Variants in DNAH3 observed in about 807,000 individuals in gnomAD.
DNAH3 encodes the protein axonemal beta dynein heavy chain 3.
Under a neutral mutation model 432.5 loss-of-function variants are expected in DNAH3, and 332 were observed. The ratio of observed to expected loss-of-function variants is 0.77; its 90% CI spans 0.70 to 0.84. The LOEUF (loss-of-function observed/expected upper bound fraction) is 0.84. DNAH3 is among the 40% of genes least tolerant of loss of function. The pLI is 0.00. For synonymous variants in DNAH3, 1,956 were observed against 1,900.2 expected (o/e 1.03, Z -0.76); for missense variants, 4,861 against 5,114.0 (o/e 0.95, Z 1.51).
chr16:20,987,802 G>A, exon 46 of DNAH3: 3 of 1,614,120 alleles, frequency 1.9e-6, no homozygotes, highest in East Asian at 4.5e-5. Flanking sequence ...GTTCTCCACT[G>A]CATCTCTATA....
intron 49 of DNAH3, among the ~76,000 whole-genome samples, chr16:20,980,025 C>T (rs2085783973): frequency 6.6e-6 from 1 of 151,488 alleles, no homozygotes; most frequent in Non-Finnish European, 1.5e-5. Context: ...GCTGGGATTA[C>T]AGGCATGAGC....
intron 5 of DNAH3, among the ~76,000 whole-genome samples, chr16:21,139,005 A>C (rs1480038646): frequency 6.6e-6 from 1 of 152,160 alleles, no homozygotes; most frequent in African/African-American, 2.4e-5. Context: ...TTAGCAGGGA[A>C]TTTTGCCAAC....
At chr16:21,117,800 G>C (rs2092241730) in intron 11 of DNAH3, among the ~76,000 whole-genome samples, 1 of 152,128 alleles carries the variant, frequency 6.6e-6, no homozygotes, top group Admixed American at 6.5e-5. Context: ...CCTAGCAAAA[G>C]CTTGGCACTT....
intron 44 of DNAH3, among the ~76,000 whole-genome samples, chr16:20,993,209 C>A (rs530617563): frequency 3.9e-5 from 6 of 152,160 alleles, no homozygotes; most frequent in Admixed American, 2.0e-4. Context: ...TTTTCCACCC[C>A]AAGACTCTTG....
At position 20,990,394 on chromosome 16, in the gene DNAH3, CAAT is replaced by C. The variant is rs968209769; in HGVS notation, c.6602-2332_6602-2330del. ...ATATATACCAGCTTTATTGATATCC[CAAT>C]AATAACTCACATATTGTACCATTCA... is the stretch of plus-strand genomic sequence containing the variant. On this transcript the variant is annotated intron_variant, in intron 44 of 61. Coordinates refer to ENST00000261383, the Ensembl canonical transcript of DNAH3. Among the ~76,000 whole-genome samples, 25 of 152,134 alleles carry C rather than the reference CAAT, an allele frequency of 1.6e-4. 1 individual carries two copies. Among genetic ancestry groups the C allele is most frequent in the African/African-American group, 2.9e-4 (12 of 41,510 alleles).
rs775289315 is a variant in DNAH3 at position 21,140,565 on chromosome 16, C to CT, written c.666dup (p.Glu223ArgfsTer6). On this transcript the variant is annotated frameshift_variant, in exon 5 of 62. Transcript: ENST00000261383. LOFTEE classifies it high-confidence loss of function. Reference sequence around the variant, plus strand: ...AGGTCCGATTCAGATGGCTTCTTTTCTTTACTTTCCATTTCCATCTCCTGC... The same window carrying CT: ...AGGTCCGATTCAGATGGCTTCTTTTCTTTTACTTTCCATTTCCATCTCCTGC... 3 of 1,614,036 alleles carry CT rather than the reference C, an allele frequency of 1.9e-6. No homozygotes were observed. The South Asian group carries it at 3.3e-5, about 18-fold the overall frequency.
At chr16:21,111,010 T>C (rs143642452) in intron 14 of DNAH3, among the ~76,000 whole-genome samples, 50 of 152,228 alleles carry the variant, frequency 3.3e-4, no homozygotes, top group African/African-American at 1.1e-3. Context: ...AGCAAGACCC[T>C]GTCTCTGAAA....
rs1026714499 is a variant in DNAH3 at position 21,148,423 on chromosome 16, A to T, written c.118-2335T>A. ...TGACTTCTAAGTCAGTGACTTATTT[A>T]TTATTATTATTATTATTTATTTTTT... On this transcript the variant is annotated intron_variant, in intron 1 of 61. Transcript: ENST00000261383. Among the ~76,000 whole-genome samples, 20 of 148,698 alleles carry T rather than the reference A, an allele frequency of 1.3e-4. 1 individual carries two copies. In the South Asian group the frequency reaches 4.1e-3, roughly 30 times the overall value.
intron 50 of DNAH3, among the ~76,000 whole-genome samples, chr16:20,977,342 A>G (rs946872540): frequency 8.5e-5 from 13 of 152,130 alleles, no homozygotes; most frequent in African/African-American, 3.1e-4. Context: ...GCACCACTGC[A>G]CTCCAGCCTG....
intron 31 of DNAH3, among the ~76,000 whole-genome samples, chr16:21,044,451 C>G (rs1269810016): frequency 9.1e-6 from 1 of 110,124 alleles, no homozygotes; most frequent in South Asian, 3.6e-4. Flanking sequence ...AATGGGAGTT[C>G]ACTCATGATT....
intron 35 of DNAH3, among the ~76,000 whole-genome samples, 174 bp downstream of exon 35, chr16:21,036,540 A>G (rs1179925546): frequency 6.6e-6 from 1 of 152,168 alleles, no homozygotes; most frequent in African/African-American, 2.4e-5. Flanking sequence ...TCAGCCTCTC[A>G]AGTAGCTGGG....
chr16:20,934,233 G>T (rs1012082994), intron 61 of DNAH3, among the ~76,000 whole-genome samples: 2 of 152,134 alleles, frequency 1.3e-5, no homozygotes, highest in Non-Finnish European at 2.9e-5. Context: ...CTAATTCTAA[G>T]TATATATTGG....
At chr16:21,060,848 T>A (rs1351096438) in intron 25 of DNAH3, among the ~76,000 whole-genome samples, 3 of 114,624 alleles carry the variant, frequency 2.6e-5, no homozygotes, top group East Asian at 7.7e-4. Flanking sequence ...TTTTTTTTTT[T>A]ATAGAGAGAG....
intron 19 of DNAH3, among the ~76,000 whole-genome samples, chr16:21,084,681 CA>C (rs2091304606): frequency 6.6e-6 from 1 of 151,988 alleles, no homozygotes; most frequent in Non-Finnish European, 1.5e-5. Context: ...CTATGTTGCC[CA>C]GGTTGGCCTC....
At chr16:21,136,429 G>T (rs1283313696) in exon 6 of DNAH3, 4 of 1,614,130 alleles carry the variant, frequency 2.5e-6, no homozygotes, top group Non-Finnish European at 3.4e-6. Context: ...TTAGAAATCA[G>T]CTTTGAAATC....
At chr16:21,086,660 CA>C in intron 19 of DNAH3, among the ~76,000 whole-genome samples, 188 bp downstream of exon 19, 1 of 152,310 alleles carries the variant, frequency 6.6e-6, no homozygotes, top group East Asian at 1.9e-4. Context: ...CCAACCTGTC[CA>C]GGGGGCAGGG....
chr16:21,049,559 G>A lies in DNAH3; in HGVS notation c.4461+10C>T. ...AGCTTCTTTGTTCTGCAGCCTAGAG[G>A]CAGAGTTACCTCGATCCTGTTGAAC... On this transcript the variant is annotated intron_variant, in intron 31 of 61. Transcript: ENST00000261383. The A allele has an allele frequency of 6.2e-7, 1 of 1,612,134 alleles. No homozygotes were observed. The highest frequency in any genetic ancestry group is 1.1e-5 in the South Asian group (1 of 91,038).
rs1164360126 is a variant in DNAH3, at chr16:21,061,232, T to A, written c.3721-876A>T. Among the ~76,000 whole-genome samples the A allele has an allele frequency of 5.2e-4, 12 of 23,250 alleles. No homozygotes were observed. In the East Asian group the frequency reaches 0.21, roughly 410 times the overall value. The allele number at this position is 23,250 out of a possible 152,430, so 15.3% of individuals were successfully genotyped here. A position where few individuals can be genotyped will look rare whatever the true frequency, so the allele number is the denominator to read the frequency against. ...ATGCCTTCTAAAGGGGCGATAGGCC[T>A]TTTTTTTTTTTTTTTTTTTGAGACG... On this transcript the variant is annotated intron_variant, in intron 25 of 61. Coordinates refer to ENST00000261383, the Ensembl canonical transcript of DNAH3.
At chr16:21,076,544 C>T (rs770252935) in intron 20 of DNAH3, among the ~76,000 whole-genome samples, 5 of 152,170 alleles carry the variant, frequency 3.3e-5, no homozygotes, top group Non-Finnish European at 5.9e-5. Context: ...TGGAGTCACT[C>T]ACGCTAAATG....
Sources: gnomAD v4.1 joint callset for allele counts (sites outside exome capture counted in the v4.1 genomes callset) on GRCh38, gnomAD v4.1.1 for gene constraint, MANE v1.5 for transcripts, NCBI Gene and HGNC (gene_info 2026-07-23, HGNC 2026-07-21) for gene names.